Variants in SUN3 observed in about 807,000 individuals in gnomAD.
SUN3 encodes the protein Sad1 and UNC84 domain containing 3.
A neutral mutation model predicts 48.2 loss-of-function variants in SUN3; 36 were observed. The observed-to-expected ratio is 0.75, with a 90% CI of 0.57 to 0.99. SUN3 has a LOEUF of 0.99. SUN3 is among the 50% of genes least tolerant of loss of function. The pLI is 0.00. For synonymous variants in SUN3, 148 were observed against 147.9 expected (o/e 1.00, Z 0.00); for missense variants, 419 against 433.1 (o/e 0.97, Z 0.29).
intron 2 of SUN3, among the ~76,000 whole-genome samples, chr7:48,021,555 T>C (rs1452381398): frequency 3.1e-5 from 4 of 129,150 alleles, no homozygotes; most frequent in African/African-American, 1.3e-4. Flanking sequence ...CAAACAACTC[T>C]ACAGAGAAAA....
At chr7:48,000,880 T>A (rs948487555) in intron 6 of SUN3, among the ~76,000 whole-genome samples, 4 of 151,710 alleles carry the variant, frequency 2.6e-5, no homozygotes, top group Admixed American at 2.0e-4. Flanking sequence ...TTTTTTTTTT[T>A]AAATCGAGTT....
intron 3 of SUN3, among the ~76,000 whole-genome samples, chr7:48,016,287 C>A (rs551518734): frequency 6.6e-6 from 1 of 152,296 alleles, no homozygotes; most frequent in African/African-American, 2.4e-5. Flanking sequence ...TTTAAAAACT[C>A]TGATCCTCAA....
chr7:48,016,260 C>T (rs183536980), intron 3 of SUN3, among the ~76,000 whole-genome samples: 8 of 152,306 alleles, frequency 5.3e-5, no homozygotes, highest in Admixed American at 4.6e-4. Context: ...TCCCAAGCCC[C>T]TACCTGCCAA....
the SUN3 span, chr7:48,035,378 G>T: frequency 1.6e-6 from 1 of 615,708 alleles, no homozygotes; most frequent in South Asian, 1.8e-5. The surrounding 1 kb of genome is among the most constrained non-coding windows in gnomAD (Gnocchi z 4.0). Flanking sequence ...GCTACGGGCA[G>T]TTGACAGGCG....
intron 9 of SUN3, 127 bp downstream of exon 9, chr7:47,988,661 C>G (rs1413957213): frequency 2.0e-6 from 1 of 489,294 alleles, no homozygotes; most frequent in African/African-American, 1.9e-5. Flanking sequence ...AATTGAAGAT[C>G]AGATAAGCCT....
intron 3 of SUN3, among the ~76,000 whole-genome samples, chr7:48,010,468 G>A (rs537833683): frequency 6.6e-6 from 1 of 152,282 alleles, no homozygotes; most frequent in Admixed American, 6.5e-5. Context: ...TACTCAAGTG[G>A]TTTATCAATT....
intron 6 of SUN3, among the ~76,000 whole-genome samples, chr7:48,002,492 A>G (rs1218234779): frequency 6.6e-6 from 1 of 151,560 alleles, no homozygotes; most frequent in Non-Finnish European, 1.5e-5. Flanking sequence ...AGTGACGTCG[A>G]GATTTTTTTC....
chr7:48,027,205 T>G (rs146105305), intron 1 of SUN3, among the ~76,000 whole-genome samples: 199 of 152,334 alleles, frequency 1.3e-3, no homozygotes, highest in African/African-American at 4.6e-3. Flanking sequence ...GTGTAGTATT[T>G]CATTGTGTGA....
intron 4 of SUN3, among the ~76,000 whole-genome samples, chr7:48,007,566 A>T (rs753345522): frequency 6.6e-6 from 1 of 152,000 alleles, no homozygotes; most frequent in Non-Finnish European, 1.5e-5. Flanking sequence ...CGGGCTCTGC[A>T]TGGGGCAGGC....
intron 3 of SUN3, among the ~76,000 whole-genome samples, chr7:48,014,376 T>C (rs1322193548): frequency 6.6e-6 from 1 of 152,198 alleles, no homozygotes; most frequent in East Asian, 1.9e-4. Flanking sequence ...TGTGCATATT[T>C]ATTAAGCCTC....
intron 2 of SUN3, among the ~76,000 whole-genome samples, chr7:48,021,342 T>C (rs1321872457): frequency 6.6e-6 from 1 of 152,102 alleles, no homozygotes; most frequent in Non-Finnish European, 1.5e-5. Context: ...CTCCAGGTCA[T>C]TGGTCTGGGC....
intron 4 of SUN3, among the ~76,000 whole-genome samples, chr7:48,007,677 C>T (rs553363726): frequency 3.9e-5 from 6 of 152,258 alleles, no homozygotes; most frequent in South Asian, 2.1e-4. Context: ...CTTGCATTTC[C>T]GGTGTAGTAC....
chr7:48,006,707 C>CATT (rs1458290472), intron 5 of SUN3, among the ~76,000 whole-genome samples: 5 of 152,068 alleles, frequency 3.3e-5, no homozygotes, highest in African/African-American at 1.2e-4. Flanking sequence ...AAAAAGTAGA[C>CATT]ATTAGGGAAG....
chr7:48,015,696 A>G (rs1789792239), intron 3 of SUN3, among the ~76,000 whole-genome samples: 1 of 152,202 alleles, frequency 6.6e-6, no homozygotes, highest in Non-Finnish European at 1.5e-5. Flanking sequence ...CCAGAGCAGC[A>G]GTAACCTGGT....
At chr7:48,005,715 C>G (rs1294822957) in intron 6 of SUN3, among the ~76,000 whole-genome samples, 1 of 151,878 alleles carries the variant, frequency 6.6e-6, no homozygotes, top group South Asian at 2.1e-4. Context: ...ACTGTGGCAT[C>G]TTGGCTTTCT....
At chr7:48,022,935 A>T (rs866194432) in intron 2 of SUN3, among the ~76,000 whole-genome samples, 15 of 152,124 alleles carry the variant, frequency 9.9e-5, no homozygotes, top group African/African-American at 3.6e-4. Context: ...TGCAGAAAAA[A>T]TTAACATATT....
At chr7:47,992,075 C>T (rs1463068670) in intron 8 of SUN3, among the ~76,000 whole-genome samples, 5 of 144,032 alleles carry the variant, frequency 3.5e-5, no homozygotes, top group Non-Finnish European at 6.1e-5. Flanking sequence ...CAGGAGTCCT[C>T]TCAGGGTCAG....
intron 8 of SUN3, chr7:47,991,118 T>TGCTGCCCAGGCTGGCCTC (rs1392973608): frequency 1.6e-5 from 7 of 446,040 alleles, no homozygotes; most frequent in South Asian, 8.0e-5. Context: ...GGTCTGGCCA[T>TGCTGCCCAGGCTGGCCTC]GCTGCCCAGG....
At chr7:48,015,611 G>A (rs1789789982) in intron 3 of SUN3, among the ~76,000 whole-genome samples, 1 of 152,172 alleles carries the variant, frequency 6.6e-6, no homozygotes, top group African/African-American at 2.4e-5. Flanking sequence ...GCCACTGACT[G>A]GGTCACTGAA....
Sources: allele counts gnomAD v4.1 joint callset (sites outside exome capture counted in the v4.1 genomes callset), GRCh38; gene constraint gnomAD v4.1.1; non-coding constraint Gnocchi (gnomAD v3.1); transcripts MANE v1.5; gene names NCBI Gene and HGNC (gene_info 2026-07-23, HGNC 2026-07-21).